The following RAB11A variants were observed in gnomAD, a reference collection of about 807,000 sequenced individuals.
RAB11A encodes the protein RAB11A, member RAS oncogene family.
Under a neutral mutation model 28.0 loss-of-function variants are expected in RAB11A, and 9 were observed. The ratio of observed to expected loss-of-function variants is 0.32; its 90% CI spans 0.19 to 0.56. The LOEUF (loss-of-function observed/expected upper bound fraction) is 0.56. Among genes scored for constraint, RAB11A ranks in the 20% least tolerant of loss-of-function variants. The probability of loss-of-function intolerance (pLI) is 0.91; values close to 1 mark genes in which losing one functional copy is unlikely to be tolerated. For missense variants in RAB11A, 108 were observed against 269.6 expected (o/e 0.40, Z 4.20); for synonymous variants, 85 against 88.2 (o/e 0.96, Z 0.20).
chr15:65,886,984 T>A (rs2078259543), intron 4 of RAB11A, among the ~76,000 whole-genome samples: 1 of 152,210 alleles, frequency 6.6e-6, no homozygotes, highest in Non-Finnish European at 1.5e-5. Context: ...GATTTTAGCA[T>A]GTTTGTTAAG....
intron 4 of RAB11A, among the ~76,000 whole-genome samples, chr15:65,882,493 G>T (rs1032366779): frequency 6.6e-6 from 1 of 152,182 alleles, no homozygotes; most frequent in Admixed American, 6.5e-5. Context: ...AGCCCAGTCT[G>T]GTCTTGAATT....
chr15:65,872,930 C>T (rs2078171741), intron 1 of RAB11A, among the ~76,000 whole-genome samples: 1 of 152,132 alleles, frequency 6.6e-6, no homozygotes, highest in South Asian at 2.1e-4. Flanking sequence ...GCTGTTTCTA[C>T]TTAGAAGGTT....
In RAB11A at chr15:65,869,539, C is replaced by G. The variant is rs2078144682; in HGVS notation, c.-47C>G. 1.9e-6 allele frequency: 3 copies of G among 1,601,906 alleles called. No homozygotes were observed. The highest frequency in any genetic ancestry group is 2.6e-6 in the Non-Finnish European group (3 of 1,176,106). On this transcript the variant is annotated 5_prime_UTR_variant, in exon 1 of 5. Coordinates refer to ENST00000261890, the MANE Select transcript of RAB11A (RefSeq NM_004663.5). ...ACCCCTGCAGCGACGCCCCCTGGTCCCACAGATACCACTGCTGCTCCCGCC... is the reference window on the plus strand; with the variant it reads ...ACCCCTGCAGCGACGCCCCCTGGTCGCACAGATACCACTGCTGCTCCCGCC...
intron 3 of RAB11A, among the ~76,000 whole-genome samples, chr15:65,879,321 T>G (rs114923416): frequency 1.2e-3 from 181 of 152,240 alleles, no homozygotes; most frequent in African/African-American, 4.2e-3. Flanking sequence ...TCTCTTGCTA[T>G]TATTTTTAAT....
intron 1 of RAB11A, among the ~76,000 whole-genome samples, chr15:65,872,063 A>G (rs1398667592): frequency 1.4e-5 from 2 of 147,982 alleles, no homozygotes; most frequent in African/African-American, 5.0e-5. Context: ...CTCCCTAGCT[A>G]CTCTCTAGCT....
rs887400926 is a variant in RAB11A, at chr15:65,891,843, G to A, written c.*4003G>A. On this transcript the variant is annotated 3_prime_UTR_variant, in exon 5 of 5. Coordinates refer to ENST00000261890, the MANE Select transcript of RAB11A (RefSeq NM_004663.5). The stretch of plus-strand genomic sequence containing the variant: ...CAATATGCATCAAAGTACCATATAT[G>A]CTAAGGGAGAGGAGCACTTGATGGG... 1.3e-5 allele frequency: 2 copies of A among 152,120 alleles called. No individual in the cohort carries two copies. Among genetic ancestry groups the A allele is most frequent in the African/African-American group, 4.8e-5 (2 of 41,414 alleles). 9.4% of individuals were successfully genotyped at this position (152,120 alleles called of 1,614,324 possible).
chr15:65,869,929 A>G (rs118030978), intron 1 of RAB11A: 20,935 of 275,580 alleles, frequency 0.076, 899 homozygotes, highest in Middle Eastern at 0.11. Flanking sequence ...CCCGGGTTCT[A>G]CGGCCCCGCC....
chr15:65,874,530 C>T (rs144428829), intron 1 of RAB11A, among the ~76,000 whole-genome samples: 1 of 152,076 alleles, frequency 6.6e-6, no homozygotes, highest in Admixed American at 6.5e-5. Context: ...TGTGAGCCAC[C>T]ACGCCCGGCC....
intron 4 of RAB11A, among the ~76,000 whole-genome samples, chr15:65,885,481 A>G (rs1001612419): frequency 3.3e-5 from 5 of 152,182 alleles, no homozygotes; most frequent in Non-Finnish European, 5.9e-5. Context: ...GTATACTAAT[A>G]ATGTCCTTTG....
rs1025535450 is a variant in RAB11A at position 65,889,189 on chromosome 15, C to T, written c.*1349C>T. On this transcript the variant is annotated 3_prime_UTR_variant, in exon 5 of 5. Coordinates refer to ENST00000261890, the MANE Select transcript of RAB11A (RefSeq NM_004663.5). ...ATCCCCAAAAATATGTATGTGTGGG[C>T]TTGCTTAGATTACTATATTTCATAG... 6.6e-6 allele frequency: 1 copy of T among 152,556 alleles called. No homozygotes were observed. The highest frequency in any genetic ancestry group is 2.4e-5 in the African/African-American group (1 of 41,436). The allele number at this position is 152,556 out of a possible 1,614,324, so 9.5% of individuals were successfully genotyped here. A position where few individuals can be genotyped will look rare whatever the true frequency, so the allele number is the denominator to read the frequency against.
chr15:65,885,565 C>T (rs1174432803), intron 4 of RAB11A, among the ~76,000 whole-genome samples: 1 of 152,160 alleles, frequency 6.6e-6, no homozygotes, highest in Non-Finnish European at 1.5e-5. Context: ...GGAAGTGTCC[C>T]TATTGCCCTC....
chr15:65,886,082 G>A (rs952610222), intron 4 of RAB11A, among the ~76,000 whole-genome samples: 1 of 152,216 alleles, frequency 6.6e-6, no homozygotes, highest in Admixed American at 6.5e-5. Context: ...GCAGATGAAG[G>A]AACTTCAGCT....
rs993985004 is a variant in RAB11A at position 65,889,651 on chromosome 15, A to G, written c.*1811A>G. 1 of 152,248 alleles carries G rather than the reference A, an allele frequency of 6.6e-6. No individual in the cohort carries two copies. Among genetic ancestry groups the G allele is most frequent in the Non-Finnish European group, 1.5e-5 (1 of 68,050 alleles). 9.4% of individuals were successfully genotyped at this position (152,248 alleles called of 1,614,324 possible). A position where few individuals can be genotyped will look rare whatever the true frequency, so the allele number is the denominator to read the frequency against. On this transcript the variant is annotated 3_prime_UTR_variant, in exon 5 of 5. Coordinates refer to ENST00000261890, the MANE Select transcript of RAB11A (RefSeq NM_004663.5). ...AAAAGTATGTCCAAAAACATTAGGA[A>G]AGTAGTGTGTATTTTCATATATAAC...
intron 1 of RAB11A, among the ~76,000 whole-genome samples, chr15:65,871,082 C>G (rs1484141461): frequency 1.3e-5 from 2 of 152,086 alleles, no homozygotes; most frequent in South Asian, 4.1e-4. Flanking sequence ...GGTGGAGTTT[C>G]AAGAGTGTTA....
At chr15:65,884,816 C>A (rs1044320708) in intron 4 of RAB11A, among the ~76,000 whole-genome samples, 3 of 149,940 alleles carry the variant, frequency 2.0e-5, no homozygotes, top group African/African-American at 7.4e-5. Flanking sequence ...CAGGTAACTT[C>A]TAGCTGTCTG....
At chr15:65,879,487 T>C (rs1046307519) in intron 3 of RAB11A, among the ~76,000 whole-genome samples, 184 bp from the exon 4 acceptor site, 6 of 152,182 alleles carry the variant, frequency 3.9e-5, no homozygotes, top group South Asian at 4.1e-4. Flanking sequence ...TCTCTACTTA[T>C]ATAAAGAAGT....
intron 4 of RAB11A, among the ~76,000 whole-genome samples, chr15:65,881,893 A>C (rs1392523850): frequency 6.6e-6 from 1 of 151,150 alleles, no homozygotes; most frequent in Non-Finnish European, 1.5e-5. Flanking sequence ...AAAAAAAAAA[A>C]AAAAAAAACA....
intron 4 of RAB11A, among the ~76,000 whole-genome samples, chr15:65,887,177 C>CTTT (rs35164022): frequency 7.1e-6 from 1 of 141,330 alleles, no homozygotes. Flanking sequence ...TGGCTTACCT[C>CTTT]TTTTTTTTTT....
chr15:65,884,871 G>A (rs1231514812), intron 4 of RAB11A, among the ~76,000 whole-genome samples: 3 of 150,858 alleles, frequency 2.0e-5, no homozygotes, highest in African/African-American at 7.3e-5. Flanking sequence ...GGGTGGGGGG[G>A]TATGCTAAAC....
Sources: allele counts gnomAD v4.1 joint callset (sites outside exome capture counted in the v4.1 genomes callset), GRCh38; gene constraint gnomAD v4.1.1; transcripts MANE v1.5; gene names NCBI Gene and HGNC (gene_info 2026-07-23, HGNC 2026-07-21).